The following CNTNAP2 variants were observed in gnomAD, a reference collection of about 807,000 sequenced individuals.
CNTNAP2 encodes contactin associated protein 2.
CNTNAP2 carries 98 observed loss-of-function variants against 155.2 expected under a neutral mutation model. The ratio of observed to expected loss-of-function variants is 0.63; its 90% CI spans 0.54 to 0.75. The LOEUF (loss-of-function observed/expected upper bound fraction) is 0.75, where lower values mean the gene tolerates loss of function less well. Ranked by LOEUF, CNTNAP2 falls within the 30% of genes least tolerant of loss-of-function variation. The pLI is 0.00. For missense variants in CNTNAP2, 1,727 were observed against 1,688.1 expected, an observed-to-expected ratio of 1.02 and a Z score of -0.40; for synonymous variants, 651 against 631.2, an observed-to-expected ratio of 1.03 and a Z score of -0.47.
At chr7:147,435,909 T>C (rs923804133) in intron 10 of CNTNAP2, among the ~76,000 whole-genome samples, 1 of 152,238 alleles carries the variant, frequency 6.6e-6, no homozygotes, top group Admixed American at 6.5e-5. Flanking sequence ...TAATAAAACT[T>C]ATCTCTCTTT....
chr7:146,258,879 G>A (rs1452659949), intron 1 of CNTNAP2, among the ~76,000 whole-genome samples: 1 of 152,152 alleles, frequency 6.6e-6, no homozygotes, highest in African/African-American at 2.4e-5. Context: ...AATAAGCCAT[G>A]TTTCTTAATT....
chr7:147,089,454 A>G (rs1267683099), intron 4 of CNTNAP2, among the ~76,000 whole-genome samples: 2 of 152,176 alleles, frequency 1.3e-5, no homozygotes, highest in Non-Finnish European at 2.9e-5. Flanking sequence ...ACATATGTCT[A>G]AAATTTTACA....
At chr7:147,763,259 AAAAAAAAAAAAAG>A (rs1797334689) in intron 13 of CNTNAP2, among the ~76,000 whole-genome samples, 1 of 56,282 alleles carries the variant, frequency 1.8e-5, no homozygotes, top group Non-Finnish European at 3.0e-5. Flanking sequence ...AAACTCAGTC[AAAAAAAAAAAAAG>A]AAAAAAAAAA....
intron 13 of CNTNAP2, among the ~76,000 whole-genome samples, chr7:147,735,817 T>G (rs539957077): frequency 6.3e-4 from 96 of 151,898 alleles, no homozygotes; most frequent in African/African-American, 2.1e-3. Flanking sequence ...GGTTTAAAGT[T>G]TGTTTTATCA....
intron 1 of CNTNAP2, among the ~76,000 whole-genome samples, chr7:146,722,569 C>T (rs894227441): frequency 1.3e-5 from 2 of 151,928 alleles, no homozygotes; most frequent in African/African-American, 4.8e-5. Flanking sequence ...GAGATGAGGC[C>T]AATGAAAACT....
At position 147,903,980 on chromosome 7, in the gene CNTNAP2, G is replaced by A. The variant is rs77160761; in HGVS notation, c.2255+259G>A. Among the ~76,000 whole-genome samples the A allele has an allele frequency of 0.044, 6,649 of 152,256 alleles. 175 individuals are homozygous for A. The highest frequency in any genetic ancestry group is 0.053 in the Non-Finnish European group (3,602 of 68,012). ...TATTTTATTCAGAGAGGAAAATAATGAGCCATGTTGTAGACAGTGATTTGC... is the reference window on the plus strand; with the variant it reads ...TATTTTATTCAGAGAGGAAAATAATAAGCCATGTTGTAGACAGTGATTTGC... On this transcript the variant is annotated intron_variant, in intron 14 of 23. Coordinates refer to ENST00000361727, the MANE Select transcript of CNTNAP2 (RefSeq NM_014141.6).
intron 3 of CNTNAP2, among the ~76,000 whole-genome samples, chr7:147,000,203 G>A (rs960103570): frequency 3.0e-4 from 45 of 151,754 alleles, no homozygotes; most frequent in Admixed American, 6.6e-4. Flanking sequence ...TTAGCTCTAG[G>A]ATTTCTGTTT....
intron 4 of CNTNAP2, among the ~76,000 whole-genome samples, chr7:147,054,991 G>A (rs112040444): frequency 2.4e-4 from 37 of 152,124 alleles, no homozygotes; most frequent in African/African-American, 6.3e-4. Flanking sequence ...TCGTTTGGCT[G>A]GACAGGAGGA....
chr7:148,074,974 T>C (rs1803457960), intron 15 of CNTNAP2, among the ~76,000 whole-genome samples: 3 of 152,218 alleles, frequency 2.0e-5, no homozygotes, highest in African/African-American at 7.2e-5. Context: ...TTTTTTACAA[T>C]TCATCAAAGA....
intron 12 of CNTNAP2, among the ~76,000 whole-genome samples, chr7:147,587,400 ACACATG>A (rs1372691881): frequency 6.6e-6 from 1 of 152,228 alleles, no homozygotes; most frequent in Non-Finnish European, 1.5e-5. Context: ...AAGCCAGACA[ACACATG>A]CAATTAATTG....
intron 8 of CNTNAP2, among the ~76,000 whole-genome samples, chr7:147,215,447 C>G (rs968911990): frequency 6.6e-6 from 1 of 152,148 alleles, no homozygotes; most frequent in South Asian, 2.1e-4. Flanking sequence ...TGGACTCATA[C>G]AGTATGTAGC....
chr7:147,111,535 G>A (rs1800879735), intron 5 of CNTNAP2, among the ~76,000 whole-genome samples: 1 of 152,064 alleles, frequency 6.6e-6, no homozygotes, highest in African/African-American at 2.4e-5. Flanking sequence ...ATTTTGAATT[G>A]ATTTTTTTGT....
At chr7:147,228,513 T>C (rs1212327761) in intron 8 of CNTNAP2, among the ~76,000 whole-genome samples, 5 of 152,164 alleles carry the variant, frequency 3.3e-5, no homozygotes, top group Non-Finnish European at 5.9e-5. Flanking sequence ...AGCAGATGAC[T>C]CACTGGTTAG....
chr7:147,852,217 G>A (rs1009241006), intron 13 of CNTNAP2, among the ~76,000 whole-genome samples: 3 of 152,090 alleles, frequency 2.0e-5, no homozygotes, highest in Admixed American at 6.6e-5. Context: ...AGATCTCGCC[G>A]CACTTATCAC....
intron 10 of CNTNAP2, among the ~76,000 whole-genome samples, chr7:147,397,509 T>C (rs917472195): frequency 6.6e-6 from 1 of 152,052 alleles, no homozygotes; most frequent in African/African-American, 2.4e-5. Context: ...CTAGGTAATA[T>C]GTTGCTGTTT....
At chr7:146,249,891 A>G (rs2116941653) in intron 1 of CNTNAP2, among the ~76,000 whole-genome samples, 1 of 152,138 alleles carries the variant, frequency 6.6e-6, no homozygotes, top group South Asian at 2.1e-4. Flanking sequence ...TCTTGAAAAA[A>G]AGAAAAAAAG....
chr7:147,021,026 T>A (rs1798808769), intron 3 of CNTNAP2, among the ~76,000 whole-genome samples: 2 of 152,076 alleles, frequency 1.3e-5, no homozygotes, highest in Admixed American at 1.3e-4. Context: ...TTGATAAAAA[T>A]CCTGAAACGA....
chr7:147,783,162 C>T (rs1483938838), intron 13 of CNTNAP2, among the ~76,000 whole-genome samples: 1 of 152,110 alleles, frequency 6.6e-6, no homozygotes, highest in East Asian at 1.9e-4. Context: ...GAAATTAATA[C>T]TGAAATCTAA....
chr7:148,130,790 C>A (rs2116627645), intron 16 of CNTNAP2, among the ~76,000 whole-genome samples: 1 of 152,264 alleles, frequency 6.6e-6, no homozygotes. Context: ...TCATTGAAAT[C>A]CTGCCCACAC....
Sources: gnomAD v4.1 joint callset for allele counts (sites outside exome capture counted in the v4.1 genomes callset) on GRCh38, gnomAD v4.1.1 for gene constraint, MANE v1.5 for transcripts, NCBI Gene and HGNC (gene_info 2026-07-23, HGNC 2026-07-21) for gene names.